Variants in CDKL3 observed in about 807,000 individuals in gnomAD.
CDKL3 encodes cyclin-dependent kinase-like 3.
A neutral mutation model predicts 69.3 loss-of-function variants in CDKL3; 65 were observed. The observed-to-expected ratio is 0.94, with a 90% CI of 0.77 to 1.15. The LOEUF is 1.15. CDKL3 is among the 50% of genes most tolerant of loss of function. The pLI, the probability that CDKL3 is intolerant of heterozygous loss-of-function variation, is 0.00. For missense variants in CDKL3, 652 were observed against 689.2 expected, an observed-to-expected ratio of 0.95 and a Z score of 0.61; for synonymous variants, 202 against 221.6, an observed-to-expected ratio of 0.91 and a Z score of 0.79.
intron 12 of CDKL3, among the ~76,000 whole-genome samples, chr5:134,299,960 A>T (rs1765918540): frequency 6.6e-6 from 1 of 152,146 alleles, no homozygotes; most frequent in Non-Finnish European, 1.5e-5. Context: ...TGCCTAACTC[A>T]CTCATTCCCA....
At chr5:134,343,612 G>A (rs1751084853) in intron 4 of CDKL3, among the ~76,000 whole-genome samples, 1 of 152,188 alleles carries the variant, frequency 6.6e-6, no homozygotes, top group Non-Finnish European at 1.5e-5. Flanking sequence ...CTGCTCCTAA[G>A]ATCAGTGCTT....
intron 10 of CDKL3, among the ~76,000 whole-genome samples, chr5:134,305,346 T>A (rs1767527392): frequency 6.6e-6 from 1 of 152,056 alleles, no homozygotes; most frequent in Non-Finnish European, 1.5e-5. Context: ...ATTCCTGGGA[T>A]CAAGCAATCC....
chr5:134,319,295 A>T, intron 6 of CDKL3, 63 bp downstream of exon 6: 1 of 1,301,592 alleles, frequency 7.7e-7, no homozygotes, highest in South Asian at 1.5e-5. Flanking sequence ...ACTCCACTGC[A>T]CTACAGCCTG....
chr5:134,298,287 G>C, downstream of CDKL3: 3 of 1,003,374 alleles, frequency 3.0e-6, no homozygotes, highest in Non-Finnish European at 2.4e-6. Context: ...CTCATTTAAA[G>C]AGGCCTGTGT....
At chr5:134,322,001 A>T in intron 4 of CDKL3, 98 bp from the exon 5 acceptor site, 2 of 689,942 alleles carry the variant, frequency 2.9e-6, no homozygotes, top group East Asian at 2.9e-5. Flanking sequence ...CTAAAGAAAC[A>T]AGTAGTATCA....
In CDKL3 at chr5:134,339,283, T is replaced by C. The variant is rs138472808; in HGVS notation, c.539+10966A>G. The stretch of plus-strand genomic sequence containing the variant: ...AAAAAAACCTCATGATCTAACTATA[T>C]GTTGTTTAGGCAAGATATACTTTAT... On this transcript the variant is annotated intron_variant, in intron 4 of 12. Transcript: ENST00000265334. 1.6e-4 allele frequency among the ~76,000 whole-genome samples: 25 copies of C among 152,354 alleles called. No individual in the cohort carries two copies. The East Asian group carries it at 3.9e-3, about 23-fold the overall frequency.
intron 4 of CDKL3, among the ~76,000 whole-genome samples, chr5:134,346,539 C>A (rs1430680880): frequency 1.3e-5 from 2 of 152,110 alleles, no homozygotes; most frequent in Non-Finnish European, 2.9e-5. Flanking sequence ...TCTTGTTGCC[C>A]AGGCTGAGGT....
At chr5:134,361,570 C>T (rs1756021814) in intron 2 of CDKL3, among the ~76,000 whole-genome samples, 3 of 152,170 alleles carry the variant, frequency 2.0e-5, no homozygotes, top group African/African-American at 7.2e-5. Flanking sequence ...TGGCAAGATG[C>T]CACAGTGCTG....
At chr5:134,293,481 A>G (rs977500792), downstream of CDKL3, among the ~76,000 whole-genome samples, 1 of 152,180 alleles carries the variant, frequency 6.6e-6, no homozygotes. Flanking sequence ...AATACAAGAA[A>G]AAAATGAACC....
intron 4 of CDKL3, among the ~76,000 whole-genome samples, chr5:134,340,137 G>A (rs983409101): frequency 9.9e-5 from 15 of 152,088 alleles, no homozygotes; most frequent in Non-Finnish European, 1.8e-4. Context: ...CTGAGCAACA[G>A]AGCAAGATCC....
chr5:134,286,929 T>C (rs1007438591), intron 8 of CDKL3, among the ~76,000 whole-genome samples: 8 of 152,106 alleles, frequency 5.3e-5, no homozygotes, highest in South Asian at 2.1e-4. Context: ...AGCAAACATA[T>C]AGAGACTGTA....
chr5:134,358,403 G>A (rs987133538), intron 3 of CDKL3, among the ~76,000 whole-genome samples: 2 of 152,112 alleles, frequency 1.3e-5, no homozygotes, highest in Non-Finnish European at 2.9e-5. Flanking sequence ...TCTACTGTCA[G>A]TTTAGCCCAG....
chr5:134,287,888 A>T (rs1404172548), intron 8 of CDKL3, among the ~76,000 whole-genome samples: 2 of 129,862 alleles, frequency 1.5e-5, no homozygotes, highest in South Asian at 5.0e-4. Context: ...CTATGTTTGT[A>T]ACTTTACTTT....
chr5:134,331,119 G>T (rs746066690), intron 4 of CDKL3, among the ~76,000 whole-genome samples: 11 of 152,144 alleles, frequency 7.2e-5, no homozygotes, highest in Non-Finnish European at 1.5e-4. Flanking sequence ...AATTGTGTAA[G>T]CTGAACCAAC....
intron 4 of CDKL3, among the ~76,000 whole-genome samples, chr5:134,327,357 C>T (rs769373792): frequency 6.6e-6 from 1 of 152,174 alleles, no homozygotes; most frequent in Non-Finnish European, 1.5e-5. Context: ...CTCTTAAGAG[C>T]AACAGTATAA....
At chr5:134,330,550 AC>A (rs1226143122) in intron 4 of CDKL3, among the ~76,000 whole-genome samples, 1 of 152,088 alleles carries the variant, frequency 6.6e-6, no homozygotes, top group Non-Finnish European at 1.5e-5. Context: ...CCCCATCTCT[AC>A]AAAAAATACA....
chr5:134,294,835 T>G (rs1265551143), downstream of CDKL3, among the ~76,000 whole-genome samples: 1 of 151,978 alleles, frequency 6.6e-6, no homozygotes. Flanking sequence ...AGATGAGATT[T>G]TAAAAAGCAA....
downstream of CDKL3, among the ~76,000 whole-genome samples, chr5:134,284,946 A>C (rs1213110226): frequency 2.0e-5 from 3 of 152,240 alleles, no homozygotes; most frequent in Non-Finnish European, 4.4e-5. Context: ...TAACGCAATC[A>C]TCACAAAGTC....
chr5:134,352,502 G>A (rs954790048), intron 3 of CDKL3, among the ~76,000 whole-genome samples: 4 of 151,868 alleles, frequency 2.6e-5, no homozygotes, highest in Admixed American at 6.6e-5. Context: ...GGTTTCACCA[G>A]GTTGTCCAGG....
Sources: allele counts gnomAD v4.1 joint callset (sites outside exome capture counted in the v4.1 genomes callset), GRCh38; gene constraint gnomAD v4.1.1; transcripts MANE v1.5; gene names NCBI Gene and HGNC (gene_info 2026-07-23, HGNC 2026-07-21).